Variants in RBM44 observed in about 807,000 individuals in gnomAD.
RBM44 encodes RNA binding motif protein 44.
RBM44 carries 66 observed loss-of-function variants against 105.1 expected under a neutral mutation model. The observed-to-expected ratio is 0.63, with a 90% confidence interval of 0.52 to 0.77. The LOEUF is 0.77. Among genes scored for constraint, RBM44 ranks in the 30% least tolerant of loss-of-function variants. The pLI is 0.00. For synonymous variants in RBM44, 365 were observed against 417.6 expected, an observed-to-expected ratio of 0.87 and a Z score of 1.54; for missense variants, 1,122 against 1,207.8, an observed-to-expected ratio of 0.93 and a Z score of 1.05.
At position 237,803,256 on chromosome 2, in the gene RBM44, GAC is replaced by G. The variant is rs143380362; in HGVS notation, c.-19+4411_-19+4412del. ...CACTCCAGCCTGGGCGACAGAGCGA[GAC>G]ACACACACACACACAGTCTCTCTGT... On this transcript the variant is annotated intron_variant, in intron 1 of 15. Coordinates refer to ENST00000316997, the MANE Select transcript of RBM44 (RefSeq NM_001080504.3). The surrounding 1 kb of genome is among the most constrained non-coding windows in gnomAD (Gnocchi z 4.2). 7.3e-5 allele frequency among the ~76,000 whole-genome samples: 11 copies of G among 150,566 alleles called. No individual in the cohort carries two copies. The highest frequency in any genetic ancestry group is 2.0e-4 in the East Asian group (1 of 5,126).
chr2:237,812,170 T>C (rs1028969442), intron 1 of RBM44, among the ~76,000 whole-genome samples: 4 of 152,218 alleles, frequency 2.6e-5, no homozygotes, highest in Non-Finnish European at 5.9e-5. Context: ...ATTTACCTAC[T>C]TTTATTAGTC....
At position 237,817,487 on chromosome 2, in the gene RBM44, A is replaced by C. The variant is rs1257811899; in HGVS notation, c.568A>C (p.Ser190Arg). The change falls in exon 3 of 16, where the codon AGT (serine) becomes CGT (arginine). Residue 190 changes from serine to arginine, a missense_variant. By Grantham distance (110) the Ser-to-Arg change is moderately radical. Transcript: ENST00000316997. ...TDEDSQQEYH[S>R]AEEQEYISNH... The stretch of plus-strand genomic sequence containing the variant: ...TGAAGACTCACAGCAGGAATATCAC[A>C]GTGCAGAAGAACAAGAATACATAAG... 1 of 1,604,638 alleles carries C rather than the reference A, an allele frequency of 6.2e-7. No homozygotes were observed. The highest frequency in any genetic ancestry group is 8.5e-7 in the Non-Finnish European group (1 of 1,174,856).
At position 237,818,534 on chromosome 2, in the gene RBM44, A is replaced by G; in HGVS notation, c.1615A>G (p.Lys539Glu). Residue 539 changes from lysine to glutamate, a missense_variant, in exon 3 of 16, where the codon AAA becomes GAA. Transcript: ENST00000316997. This position sits in a 1 kb window ranked among gnomAD's most constrained non-coding sequence, Gnocchi z 4.6. ...DCIDTQMAIT[K>E]GSGKSLSVDS... ...TATAGATACACAGATGGCTATAACA[A>G]AAGGATCAGGAAAATCTCTCTCCGT... is the stretch of plus-strand genomic sequence containing the variant. The G allele has an allele frequency of 6.2e-7, 1 of 1,601,304 alleles. No individual in the cohort carries two copies. Among genetic ancestry groups the G allele is most frequent in the Non-Finnish European group, 8.5e-7 (1 of 1,174,440 alleles).
At chr2:237,821,288 A>G in intron 6 of RBM44, 34 bp downstream of exon 6, 3 of 1,552,526 alleles carry the variant, frequency 1.9e-6, no homozygotes, top group Non-Finnish European at 2.6e-6. Context: ...AAAAAATTTT[A>G]CTTCATTTAG....
intron 15 of RBM44, among the ~76,000 whole-genome samples, chr2:237,836,505 G>A (rs930353864): frequency 1.5e-4 from 23 of 152,148 alleles, no homozygotes; most frequent in African/African-American, 5.3e-4. Flanking sequence ...CTTTCAGCCA[G>A]GCACAGTGGC....
rs2062008074 is a variant in RBM44 at position 237,841,124 on chromosome 2, A to G, written c.*23-715A>G. On this transcript the variant is annotated intron_variant, in intron 15 of 15. Coordinates refer to ENST00000316997, the MANE Select transcript of RBM44 (RefSeq NM_001080504.3). The surrounding 1 kb of genome is among the most constrained non-coding windows in gnomAD (Gnocchi z 4.5). ...ACCATAAAGACACATGCATGTGCAT[A>G]TTTATCACAGCACTATTCACAATAG... 6.6e-6 allele frequency among the ~76,000 whole-genome samples: 1 copy of G among 152,210 alleles called. No homozygotes were observed. Among genetic ancestry groups the G allele is most frequent in the South Asian group, 2.1e-4 (1 of 4,832 alleles).
At chr2:237,804,384 A>G (rs769957154) in intron 1 of RBM44, among the ~76,000 whole-genome samples, 15 of 152,252 alleles carry the variant, frequency 9.9e-5, no homozygotes, top group Non-Finnish European at 2.1e-4. Flanking sequence ...TGTTTTCCAC[A>G]GTAGTTGGAC....
At chr2:237,835,240 C>T (rs1306883080) in intron 15 of RBM44, among the ~76,000 whole-genome samples, 1 of 152,186 alleles carries the variant, frequency 6.6e-6, no homozygotes, top group Admixed American at 6.5e-5. Context: ...ATCTCTTTCC[C>T]TCTCTTTGGT....
intron 7 of RBM44, 150 bp from the exon 8 acceptor site, chr2:237,821,593 C>T: frequency 2.9e-6 from 2 of 689,252 alleles, no homozygotes; most frequent in South Asian, 1.9e-5. Context: ...TCAGGATATC[C>T]ATCACCTTGT....
rs1214314646 is a variant in RBM44, at chr2:237,817,586, G to A, written c.667G>A (p.Gly223Ser). ...NPEVVELGNS[G>S]YEVKCASNVE... ...AGAAGTTGTTGAATTAGGAAATTCG[G>A]GTTATGAAGTTAAATGTGCTAGCAA... Residue 223 changes from glycine to serine, a missense_variant, in exon 3 of 16, where the codon GGT becomes AGT. Transcript: ENST00000316997. 1.2e-6 allele frequency: 2 copies of A among 1,612,774 alleles called. No homozygotes were observed. The highest frequency in any genetic ancestry group is 1.3e-5 in the African/African-American group (1 of 75,004).
At chr2:237,840,008 G>T (rs1180302791) in intron 15 of RBM44, among the ~76,000 whole-genome samples, 1 of 152,058 alleles carries the variant, frequency 6.6e-6, no homozygotes. Context: ...GGGCAACATG[G>T]TGAAACCCCA....
At position 237,803,565 on chromosome 2, in the gene RBM44, C is replaced by T. The variant is rs1167455883; in HGVS notation, c.-19+4704C>T. On this transcript the variant is annotated intron_variant, in intron 1 of 15. Transcript: ENST00000316997. The surrounding 1 kb of genome is among the most constrained non-coding windows in gnomAD (Gnocchi z 4.2). ...ATATATGGATTGTGAATACTTTATTCCAGTCTTTGGCTTGTGTTTCCATTT... is the reference window on the plus strand; with the variant it reads ...ATATATGGATTGTGAATACTTTATTTCAGTCTTTGGCTTGTGTTTCCATTT... Among the ~76,000 whole-genome samples the T allele has an allele frequency of 6.6e-6, 1 of 152,092 alleles. No individual in the cohort carries two copies. Among genetic ancestry groups the T allele is most frequent in the Non-Finnish European group, 1.5e-5 (1 of 68,014 alleles).
chr2:237,819,082 G>A, intron 4 of RBM44, 123 bp downstream of exon 4: 2 of 458,836 alleles, frequency 4.4e-6, no homozygotes, highest in Admixed American at 8.0e-5. Flanking sequence ...GAAATCATCT[G>A]TTTCAACCGT....
intron 2 of RBM44, among the ~76,000 whole-genome samples, chr2:237,815,696 A>C (rs2061707553): frequency 6.6e-6 from 1 of 152,034 alleles, no homozygotes. Flanking sequence ...TGATATGACC[A>C]AAATGTAATT....
rs1323176642 is a variant in RBM44 at position 237,838,088 on chromosome 2, A to G, written c.*22+3665A>G. ...CAAACTTCATTGTTGTCTTATTTTA[A>G]GAAGTTGCCACAGCCACTCCAGCCT... On this transcript the variant is annotated intron_variant, in intron 15 of 15. Transcript: ENST00000316997. Among the ~76,000 whole-genome samples, 8 of 152,356 alleles carry G rather than the reference A, an allele frequency of 5.3e-5. No individual in the cohort carries two copies. In the East Asian group the frequency reaches 1.5e-3, roughly 29 times the overall value.
At chr2:237,804,879 A>G (rs578149431) in intron 1 of RBM44, among the ~76,000 whole-genome samples, 216 of 152,312 alleles carry the variant, frequency 1.4e-3, no homozygotes, top group Non-Finnish European at 2.5e-3. Context: ...GCAAACCAAC[A>G]GCCAACATTA....
intron 1 of RBM44, among the ~76,000 whole-genome samples, chr2:237,807,372 A>T (rs1340435876): frequency 2.0e-5 from 3 of 151,582 alleles, no homozygotes; most frequent in African/African-American, 7.3e-5. Context: ...CTGGTCTCAA[A>T]CTCCTGACTT....
rs766114909 is a variant in RBM44, at chr2:237,818,458, GAAAC to G, written c.1543_1546del (p.Gln515LysfsTer16). ...AACGACCTGATGAATGGCAAAATGA[GAAAC>G]AAAAAAGTGTGGCTTGTAGTACAGA... On this transcript the variant is annotated frameshift_variant, in exon 3 of 16. Transcript: ENST00000316997. LOFTEE classifies it high-confidence loss of function. The surrounding 1 kb of genome is among the most constrained non-coding windows in gnomAD (Gnocchi z 4.6). The G allele has an allele frequency of 1.9e-6, 3 of 1,612,422 alleles. No homozygotes were observed. The highest frequency in any genetic ancestry group is 2.2e-5 in the East Asian group (1 of 44,840).
rs762603024 is a variant in RBM44 at position 237,818,128 on chromosome 2, T to C, written c.1209T>C (p.Ala403=). 5 of 1,613,210 alleles carry C rather than the reference T, an allele frequency of 3.1e-6. No individual in the cohort carries two copies. In the Admixed American group the frequency reaches 5.0e-5, roughly 16 times the overall value. ...ATTATGAAAGCCTACAAAACACTGC[T>C]GACTCAGCCTTAGATTTTTCTGCTA... ...CGYYESLQNT[A]DSALDFSAML... Residue 403 remains alanine, a synonymous_variant, in exon 3 of 16, where the codon GCT becomes GCC. Coordinates refer to ENST00000316997, the MANE Select transcript of RBM44 (RefSeq NM_001080504.3). The surrounding 1 kb of genome is among the most constrained non-coding windows in gnomAD (Gnocchi z 4.6).
Sources: gnomAD v4.1 joint callset for allele counts (sites outside exome capture counted in the v4.1 genomes callset) on GRCh38, gnomAD v4.1.1 for gene constraint, Gnocchi (gnomAD v3.1) non-coding constraint, MANE v1.5 for transcripts, NCBI Gene and HGNC (gene_info 2026-07-23, HGNC 2026-07-21) for gene names.